Variants in B3GALT1 observed in about 807,000 individuals in gnomAD.
The protein encoded by B3GALT1 is UDP-Gal:betaGlcNAc beta 1,3-galactosyltransferase, polypeptide 1.
In B3GALT1, 10 loss-of-function variants were observed where a neutral mutation model predicts 23.2. That is an observed-to-expected ratio of 0.43 (90% CI 0.27 to 0.73). The LOEUF (loss-of-function observed/expected upper bound fraction) is 0.73, where lower values mean the gene tolerates loss of function less well. Ranked by LOEUF, B3GALT1 falls within the 30% of genes least tolerant of loss-of-function variation. The pLI, the probability that B3GALT1 is intolerant of heterozygous loss-of-function variation, is 0.21. For missense variants in B3GALT1, 299 were observed against 405.4 expected (o/e 0.74, Z 2.25); for synonymous variants, 156 against 141.5 (o/e 1.10, Z -0.73).
chr2:167,418,514 A>G (rs1698501708), intron 1 of B3GALT1, among the ~76,000 whole-genome samples: 2 of 152,056 alleles, frequency 1.3e-5, no homozygotes. Flanking sequence ...TTTTCCATTG[A>G]CTTATCTTAG....
At chr2:167,545,319 G>A (rs766392988) in intron 2 of B3GALT1, among the ~76,000 whole-genome samples, 3 of 152,130 alleles carry the variant, frequency 2.0e-5, no homozygotes, top group South Asian at 2.1e-4. Context: ...ACAGGCGTGA[G>A]CCACCGGCCC....
At chr2:167,721,466 T>C (rs1687233317) in intron 3 of B3GALT1, among the ~76,000 whole-genome samples, 2 of 152,198 alleles carry the variant, frequency 1.3e-5, no homozygotes, top group South Asian at 2.1e-4. Flanking sequence ...GATTTTTTTT[T>C]CCCATCAGAA....
At chr2:167,670,753 G>A (rs1323012279) in intron 3 of B3GALT1, among the ~76,000 whole-genome samples, 1 of 151,966 alleles carries the variant, frequency 6.6e-6, no homozygotes, top group East Asian at 1.9e-4. Context: ...AATAGAGTAA[G>A]TGAAATAAAA....
chr2:167,496,827 A>G (rs1301914378), intron 2 of B3GALT1, among the ~76,000 whole-genome samples: 1 of 152,144 alleles, frequency 6.6e-6, no homozygotes, highest in African/African-American at 2.4e-5. Context: ...CCACATGAGG[A>G]TATGATGAAA....
chr2:167,692,489 A>G (rs1686730053), intron 3 of B3GALT1, among the ~76,000 whole-genome samples: 1 of 152,106 alleles, frequency 6.6e-6, no homozygotes, highest in African/African-American at 2.4e-5. Flanking sequence ...ACTTTGTAAT[A>G]AAAAGAGCAT....
intron 2 of B3GALT1, among the ~76,000 whole-genome samples, chr2:167,550,073 A>G (rs1683718933): frequency 6.6e-6 from 1 of 152,196 alleles, no homozygotes. Flanking sequence ...AAATGTACTT[A>G]GCTTATCACT....
chr2:167,738,177 T>C (rs1687522199), intron 3 of B3GALT1, among the ~76,000 whole-genome samples: 1 of 152,130 alleles, frequency 6.6e-6, no homozygotes, highest in Admixed American at 6.6e-5. Flanking sequence ...AGAAAATCCA[T>C]GCAAGAACTG....
intron 2 of B3GALT1, among the ~76,000 whole-genome samples, chr2:167,630,634 A>G (rs1685424526): frequency 6.6e-6 from 1 of 151,668 alleles, no homozygotes; most frequent in Non-Finnish European, 1.5e-5. Flanking sequence ...TATTCAGCAA[A>G]AAAAAAAGCT....
intron 1 of B3GALT1, among the ~76,000 whole-genome samples, chr2:167,304,114 G>T (rs1255302684): frequency 2.0e-5 from 3 of 152,106 alleles, no homozygotes; most frequent in Non-Finnish European, 4.4e-5. Flanking sequence ...GCTGGAAGTT[G>T]AACTTGTAAT....
In B3GALT1 at chr2:167,407,623, A is replaced by G. The variant is rs111957246; in HGVS notation, c.-510-82554A>G. On this transcript the variant is annotated intron_variant, in intron 1 of 4. Transcript: ENST00000392690. ...TAAGGACAAAAGAGAGAAGACCCAA[A>G]TAAATAAAATCAAAAATGAAAAAGG... 2.0e-5 allele frequency among the ~76,000 whole-genome samples: 3 copies of G among 152,214 alleles called. 1 individual carries two copies. The highest frequency in any genetic ancestry group is 7.2e-5 in the African/African-American group (3 of 41,572).
chr2:167,615,207 G>T (rs770144490), intron 2 of B3GALT1, among the ~76,000 whole-genome samples: 2 of 151,998 alleles, frequency 1.3e-5, no homozygotes, highest in Non-Finnish European at 2.9e-5. Context: ...CCTTTAAAAA[G>T]AAAGGAAATC....
intron 2 of B3GALT1, among the ~76,000 whole-genome samples, chr2:167,504,497 A>G (rs1332633476): frequency 6.6e-6 from 1 of 152,206 alleles, no homozygotes; most frequent in Non-Finnish European, 1.5e-5. Flanking sequence ...CTATGTGACC[A>G]TGAAAATGCC....
At chr2:167,449,647 G>GA (rs979989149) in intron 1 of B3GALT1, among the ~76,000 whole-genome samples, 1 of 152,114 alleles carries the variant, frequency 6.6e-6, no homozygotes, top group African/African-American at 2.4e-5. Flanking sequence ...GAAGTGGTGA[G>GA]AGTAAGTATC....
chr2:167,605,485 A>AC (rs2105427512), intron 2 of B3GALT1, among the ~76,000 whole-genome samples: 1 of 152,046 alleles, frequency 6.6e-6, no homozygotes, highest in African/African-American at 2.4e-5. Flanking sequence ...CTCAGATGGC[A>AC]TGTCAACCCG....
chr2:167,842,783 A>C (rs991849934), intron 4 of B3GALT1, among the ~76,000 whole-genome samples: 4 of 152,040 alleles, frequency 2.6e-5, no homozygotes, highest in Non-Finnish European at 5.9e-5. Flanking sequence ...CTGAGGCGGG[A>C]GGATTACTTG....
chr2:167,543,053 T>G (rs1478381754), intron 2 of B3GALT1, among the ~76,000 whole-genome samples: 3 of 152,036 alleles, frequency 2.0e-5, no homozygotes, highest in African/African-American at 7.2e-5. Flanking sequence ...GATTTATAGG[T>G]TTTTGTTTAG....
chr2:167,741,989 T>A (rs1235479136), intron 3 of B3GALT1, among the ~76,000 whole-genome samples: 1 of 152,202 alleles, frequency 6.6e-6, no homozygotes, highest in Admixed American at 6.5e-5. Context: ...CAATTTGCCC[T>A]TACTGAGAAA....
chr2:167,767,007 G>C (rs1407900114), intron 3 of B3GALT1, among the ~76,000 whole-genome samples: 5 of 152,268 alleles, frequency 3.3e-5, no homozygotes, highest in African/African-American at 1.2e-4. Flanking sequence ...ACTGGGAAAG[G>C]CATGTTTCAT....
At chr2:167,471,126 A>G (rs1699413814) in intron 1 of B3GALT1, among the ~76,000 whole-genome samples, 1 of 152,186 alleles carries the variant, frequency 6.6e-6, no homozygotes, top group African/African-American at 2.4e-5. Context: ...GGATCAACAA[A>G]ATAAGGAGAC....
Sources: allele counts gnomAD v4.1 joint callset (sites outside exome capture counted in the v4.1 genomes callset), GRCh38; gene constraint gnomAD v4.1.1; transcripts MANE v1.5; gene names NCBI Gene and HGNC (gene_info 2026-07-23, HGNC 2026-07-21).